ROBO1: variants seen among roughly 807,000 people sequenced by gnomAD.
ROBO1 encodes roundabout guidance receptor 1.
In ROBO1, 149 loss-of-function variants were observed where a neutral mutation model predicts 195.9. The observed-to-expected ratio is 0.76, with a 90% CI of 0.67 to 0.87. The LOEUF is 0.87. Ranked by LOEUF, ROBO1 falls within the 40% of genes least tolerant of loss-of-function variation. The pLI is 0.00. For synonymous variants in ROBO1, 816 were observed against 733.2 expected (o/e 1.11, Z -1.82); for missense variants, 1,933 against 2,068.3 (o/e 0.93, Z 1.27).
chr3:79,461,245 G>T (rs918710486), intron 2 of ROBO1, among the ~76,000 whole-genome samples: 4 of 152,024 alleles, frequency 2.6e-5, no homozygotes, highest in Admixed American at 6.6e-5. Context: ...GTCTATTTCT[G>T]CCCTGTTGCA....
At chr3:78,968,269 TTC>T (rs1253566627) in intron 3 of ROBO1, among the ~76,000 whole-genome samples, 4 of 143,838 alleles carry the variant, frequency 2.8e-5, no homozygotes, top group Non-Finnish European at 4.6e-5. Flanking sequence ...ACTGTATAGA[TTC>T]TTTTTTTTTT....
At chr3:79,725,985 T>G (rs141925058) in intron 1 of ROBO1, among the ~76,000 whole-genome samples, 1 of 152,250 alleles carries the variant, frequency 6.6e-6, no homozygotes, top group Admixed American at 6.5e-5. Context: ...TCTGGAACTT[T>G]AAGAGAATCT....
intron 2 of ROBO1, among the ~76,000 whole-genome samples, chr3:79,349,581 C>A (rs1297571720): frequency 6.6e-6 from 1 of 152,096 alleles, no homozygotes; most frequent in Non-Finnish European, 1.5e-5. Context: ...ACCTCCAAAG[C>A]AACAGTAATC....
intron 2 of ROBO1, among the ~76,000 whole-genome samples, chr3:79,478,637 A>G (rs1023381260): frequency 3.3e-5 from 5 of 151,920 alleles, no homozygotes; most frequent in Non-Finnish European, 7.4e-5. Flanking sequence ...CTGCCTTTTT[A>G]TTTTACTCAT....
At chr3:79,419,234 C>T (rs1355783682) in intron 2 of ROBO1, among the ~76,000 whole-genome samples, 3 of 152,216 alleles carry the variant, frequency 2.0e-5, no homozygotes, top group Admixed American at 2.0e-4. Flanking sequence ...AAGAACAGTA[C>T]AGTATCAGCA....
Position 78,915,922 on chromosome 3 carries a change from T to G in ROBO1, c.499+22679A>C, listed in dbSNP as rs138981270. Among the ~76,000 whole-genome samples, 898 of 152,228 alleles carry G rather than the reference T, an allele frequency of 5.9e-3. 6 individuals carry two copies. Among genetic ancestry groups the G allele is most frequent in the Middle Eastern group, 0.044 (13 of 294 alleles). On this transcript the variant is annotated intron_variant, in intron 4 of 30. Transcript: ENST00000464233. ...ATCCTCCTGCCTTGGCCTCCCAAAG[T>G]GCAAGTGCGAGAGCCGCTGTGCCCA...
intron 3 of ROBO1, among the ~76,000 whole-genome samples, chr3:79,099,173 T>G (rs1340621270): frequency 6.6e-6 from 1 of 151,804 alleles, no homozygotes; most frequent in Non-Finnish European, 1.5e-5. Context: ...AAACATACTT[T>G]TTCTGCCTCT....
At chr3:79,553,703 A>C (rs1942602259) in intron 2 of ROBO1, among the ~76,000 whole-genome samples, 1 of 152,120 alleles carries the variant, frequency 6.6e-6, no homozygotes, top group Non-Finnish European at 1.5e-5. Context: ...TAAATACCAT[A>C]AAATTTTAAA....
intron 1 of ROBO1, among the ~76,000 whole-genome samples, chr3:79,752,792 A>G (rs1409654988): frequency 6.6e-6 from 1 of 152,194 alleles, no homozygotes; most frequent in Non-Finnish European, 1.5e-5. Context: ...GAGTGACTTT[A>G]CTTGCAGAGA....
intron 1 of ROBO1, among the ~76,000 whole-genome samples, chr3:79,754,453 C>T (rs1008535395): frequency 2.6e-5 from 4 of 152,070 alleles, no homozygotes; most frequent in African/African-American, 9.7e-5. Context: ...CAACTCAGTC[C>T]CTTGTTCATT....
chr3:79,126,914 T>C (rs1262520906), intron 2 of ROBO1, among the ~76,000 whole-genome samples: 2 of 152,220 alleles, frequency 1.3e-5, no homozygotes, highest in East Asian at 3.9e-4. Flanking sequence ...ACTTGGTTTT[T>C]TCATGCGGCA....
intron 1 of ROBO1, among the ~76,000 whole-genome samples, chr3:79,632,719 T>C (rs1195836387): frequency 1.3e-5 from 2 of 152,172 alleles, no homozygotes; most frequent in Non-Finnish European, 2.9e-5. Flanking sequence ...TTTGTGACCA[T>C]GTGTTAAGCA....
chr3:79,035,924 C>G (rs929119998), intron 3 of ROBO1, among the ~76,000 whole-genome samples: 10 of 152,152 alleles, frequency 6.6e-5, no homozygotes, highest in East Asian at 1.9e-4. Context: ...TCAAGCATCT[C>G]AAGTTATTTA....
chr3:79,157,665 A>G (rs1217488458), intron 2 of ROBO1, among the ~76,000 whole-genome samples: 1 of 151,918 alleles, frequency 6.6e-6, no homozygotes, highest in Non-Finnish European at 1.5e-5. Flanking sequence ...TCCCCAGAAT[A>G]ATTTGTTCTA....
intron 4 of ROBO1, among the ~76,000 whole-genome samples, chr3:78,878,669 A>G (rs2107229998): frequency 6.6e-6 from 1 of 151,840 alleles, no homozygotes; most frequent in East Asian, 1.9e-4. Context: ...AATAAAATAG[A>G]CAAGTTACTG....
chr3:79,741,770 A>T (rs936711857), intron 1 of ROBO1, among the ~76,000 whole-genome samples: 3 of 152,192 alleles, frequency 2.0e-5, no homozygotes, highest in African/African-American at 7.2e-5. Flanking sequence ...AATGATTGTG[A>T]CAAAAGTGCT....
intron 4 of ROBO1, among the ~76,000 whole-genome samples, chr3:78,916,309 T>C (rs944155149): frequency 6.6e-6 from 1 of 150,938 alleles, no homozygotes; most frequent in Non-Finnish European, 1.5e-5. Flanking sequence ...TCCCAGCACT[T>C]TGGGAAGCCG....
chr3:79,683,534 C>T (rs905132774), intron 1 of ROBO1, among the ~76,000 whole-genome samples: 20 of 152,068 alleles, frequency 1.3e-4, no homozygotes, highest in African/African-American at 3.9e-4. Flanking sequence ...TCACCTTGAT[C>T]TACTTTCAAA....
intron 5 of ROBO1, among the ~76,000 whole-genome samples, chr3:78,720,329 A>G (rs2108100038): frequency 6.6e-6 from 1 of 152,356 alleles, no homozygotes; most frequent in South Asian, 2.1e-4. Context: ...TGCAGCCAAC[A>G]GACACATGAA....
Sources: allele counts gnomAD v4.1 joint callset (sites outside exome capture counted in the v4.1 genomes callset), GRCh38; gene constraint gnomAD v4.1.1; transcripts MANE v1.5; gene names NCBI Gene and HGNC (gene_info 2026-07-23, HGNC 2026-07-21).